The following GRID2 variants were observed in gnomAD, a reference collection of about 807,000 sequenced individuals.
GRID2 encodes the protein glutamate receptor ionotropic, delta-2.
Under a neutral mutation model 114.8 loss-of-function variants are expected in GRID2, and 33 were observed. The ratio of observed to expected loss-of-function variants is 0.29; its 90% confidence interval spans 0.22 to 0.38. GRID2 has a LOEUF of 0.38. Ranked by LOEUF, GRID2 falls within the 10% of genes least tolerant of loss-of-function variation. GRID2 has a pLI of 1.00. For synonymous variants in GRID2, 505 were observed against 449.9 expected, an observed-to-expected ratio of 1.12 and a Z score of -1.55; for missense variants, 1,184 against 1,257.7, an observed-to-expected ratio of 0.94 and a Z score of 0.89.
At chr4:93,472,678 AG>A (rs1006529574) in intron 11 of GRID2, among the ~76,000 whole-genome samples, 2 of 152,146 alleles carry the variant, frequency 1.3e-5, no homozygotes, top group African/African-American at 4.8e-5. Flanking sequence ...AGAAAATGTT[AG>A]GGGCCAGATT....
intron 8 of GRID2, among the ~76,000 whole-genome samples, chr4:93,347,612 C>G (rs560515756): frequency 6.6e-6 from 1 of 152,226 alleles, no homozygotes; most frequent in East Asian, 1.9e-4. Context: ...TCATAACACT[C>G]TATTAAGTCT....
chr4:93,794,391 T>C (rs1734754478), intron 1 of GRID2, among the ~76,000 whole-genome samples: 1 of 152,196 alleles, frequency 6.6e-6, no homozygotes, highest in Non-Finnish European at 1.5e-5. Context: ...AACCCACACC[T>C]ACAATATTCA....
intron 1 of GRID2, among the ~76,000 whole-genome samples, chr4:92,365,107 T>G (rs1391367925): frequency 6.6e-6 from 1 of 152,032 alleles, no homozygotes; most frequent in African/African-American, 2.4e-5. Context: ...AAAACTGAAC[T>G]ACCATATAAT....
At chr4:93,065,649 G>T (rs1728228673) in intron 2 of GRID2, among the ~76,000 whole-genome samples, 1 of 151,894 alleles carries the variant, frequency 6.6e-6, no homozygotes, top group Non-Finnish European at 1.5e-5. Flanking sequence ...TGGGATGCAA[G>T]AAGGAATTTT....
intron 2 of GRID2, among the ~76,000 whole-genome samples, chr4:92,755,139 G>A (rs770263117): frequency 2.6e-5 from 4 of 152,146 alleles, no homozygotes; most frequent in Admixed American, 6.6e-5. Flanking sequence ...GGGTCTACAC[G>A]TCAAATATGG....
intron 2 of GRID2, among the ~76,000 whole-genome samples, chr4:93,004,962 G>A (rs985338742): frequency 6.6e-6 from 1 of 151,858 alleles, no homozygotes; most frequent in Non-Finnish European, 1.5e-5. Flanking sequence ...CTACCTCAAG[G>A]CCTATCTCTT....
At chr4:93,452,952 A>C (rs1722827411) in intron 10 of GRID2, among the ~76,000 whole-genome samples, 1 of 150,704 alleles carries the variant, frequency 6.6e-6, no homozygotes, top group Non-Finnish European at 1.5e-5. Flanking sequence ...GGTTAGTTAC[A>C]TATGTATACA....
chr4:93,502,014 A>G (rs1252996476), intron 12 of GRID2, among the ~76,000 whole-genome samples: 1 of 151,730 alleles, frequency 6.6e-6, no homozygotes, highest in African/African-American at 2.4e-5. Flanking sequence ...ACTTATAGAT[A>G]TGGTTAAAAA....
At chr4:93,650,018 C>T (rs1392695428) in intron 14 of GRID2, among the ~76,000 whole-genome samples, 1 of 152,156 alleles carries the variant, frequency 6.6e-6, no homozygotes, top group African/African-American at 2.4e-5. Flanking sequence ...TGACCCAGCC[C>T]CCCATCTGCA....
At chr4:93,391,361 G>GCA (rs1424920212) in intron 8 of GRID2, among the ~76,000 whole-genome samples, 30 of 152,210 alleles carry the variant, frequency 2.0e-4, no homozygotes, top group East Asian at 5.8e-4. Context: ...ATTTCTAAGT[G>GCA]GCTGGCTTTT....
At chr4:92,428,271 T>A (rs1421121960) in intron 1 of GRID2, among the ~76,000 whole-genome samples, 1 of 151,896 alleles carries the variant, frequency 6.6e-6, no homozygotes, top group Non-Finnish European at 1.5e-5. Flanking sequence ...AAAGTAATAA[T>A]AATAATAATA....
At chr4:92,832,987 A>T in intron 2 of GRID2, among the ~76,000 whole-genome samples, 1 of 152,182 alleles carries the variant, frequency 6.6e-6, no homozygotes, top group South Asian at 2.1e-4. Flanking sequence ...ATTGAAAGAT[A>T]TGGTAGATGT....
chr4:92,993,099 G>A (rs1374628484), intron 2 of GRID2, among the ~76,000 whole-genome samples: 1 of 151,918 alleles, frequency 6.6e-6, no homozygotes, highest in Non-Finnish European at 1.5e-5. Flanking sequence ...CTTTGAGCTT[G>A]GAACAGATGG....
intron 2 of GRID2, among the ~76,000 whole-genome samples, chr4:92,617,298 G>A (rs960569421): frequency 6.6e-6 from 1 of 151,204 alleles, no homozygotes; most frequent in African/African-American, 2.4e-5. Flanking sequence ...ATGGTGGTTT[G>A]CTGCACCTAT....
At chr4:92,863,496 T>A (rs1328813912) in intron 2 of GRID2, among the ~76,000 whole-genome samples, 1 of 152,074 alleles carries the variant, frequency 6.6e-6, no homozygotes, top group Non-Finnish European at 1.5e-5. Flanking sequence ...AATGTCCCAA[T>A]CAAGATTAAA....
At chr4:93,465,413 T>A (rs757890890) in intron 11 of GRID2, among the ~76,000 whole-genome samples, 1 of 152,228 alleles carries the variant, frequency 6.6e-6, no homozygotes, top group Non-Finnish European at 1.5e-5. Flanking sequence ...ACTCTTTTCA[T>A]GTCTTTGTGT....
chr4:92,508,323 G>A (rs952293865), intron 1 of GRID2, among the ~76,000 whole-genome samples: 4 of 151,884 alleles, frequency 2.6e-5, no homozygotes, highest in African/African-American at 9.7e-5. Flanking sequence ...TGTAGTTCTA[G>A]TGCTTAAGGT....
chr4:93,187,931 C>T (rs891224983), intron 4 of GRID2, among the ~76,000 whole-genome samples: 1 of 152,194 alleles, frequency 6.6e-6, no homozygotes, highest in Non-Finnish European at 1.5e-5. Context: ...AAGCATCGGG[C>T]CCCCAAGTTT....
At chr4:93,028,687 G>A (rs555432760) in intron 2 of GRID2, among the ~76,000 whole-genome samples, 6 of 151,816 alleles carry the variant, frequency 4.0e-5, no homozygotes, top group South Asian at 4.2e-4. Context: ...CCCTACATTC[G>A]CTTTGGGTCT....
Sources: gnomAD v4.1 joint callset for allele counts (sites outside exome capture counted in the v4.1 genomes callset) on GRCh38, gnomAD v4.1.1 for gene constraint, MANE v1.5 for transcripts, NCBI Gene and HGNC (gene_info 2026-07-23, HGNC 2026-07-21) for gene names.